GPHN: variants seen among roughly 807,000 people sequenced by gnomAD.
GPHN encodes gephyrin.
A neutral mutation model predicts 95.5 loss-of-function variants in GPHN; 17 were observed. That is an observed-to-expected ratio of 0.18 (90% CI 0.12 to 0.27). The LOEUF (loss-of-function observed/expected upper bound fraction) is 0.27, where lower values mean the gene tolerates loss of function less well. Among genes scored for constraint, GPHN ranks in the 10% least tolerant of loss-of-function variants. The pLI, the probability that GPHN is intolerant of heterozygous loss-of-function variation, is 1.00. For synonymous variants in GPHN, 320 were observed against 322.5 expected (o/e 0.99, Z 0.08); for missense variants, 660 against 978.1 (o/e 0.67, Z 4.34).
At chr14:67,316,885 A>G in the GPHN span, 1 of 1,611,746 alleles carries the variant, frequency 6.2e-7, no homozygotes, top group Non-Finnish European at 8.5e-7. Context: ...AGAAGAAGAT[A>G]AGGAGCCAGA....
chr14:67,070,237 A>G (rs1262883293), intron 11 of GPHN, among the ~76,000 whole-genome samples: 1 of 151,748 alleles, frequency 6.6e-6, no homozygotes, highest in East Asian at 1.9e-4. Flanking sequence ...TTCAAAATGT[A>G]TATCTTAATC....
At chr14:67,218,428 C>G in the GPHN span, among the ~76,000 whole-genome samples, 1 of 152,118 alleles carries the variant, frequency 6.6e-6, no homozygotes, top group Admixed American at 6.5e-5. Context: ...GCTTGGCTGA[C>G]TCAGGGACGT....
the GPHN span, among the ~76,000 whole-genome samples, chr14:67,462,012 C>T: frequency 6.6e-6 from 1 of 152,228 alleles, no homozygotes; most frequent in South Asian, 2.1e-4. Context: ...GCTCTGGGCA[C>T]CAGCTGTCCT....
chr14:66,747,942 A>T (rs2058218731), intron 2 of GPHN, among the ~76,000 whole-genome samples: 2 of 152,100 alleles, frequency 1.3e-5, no homozygotes, highest in Non-Finnish European at 2.9e-5. Context: ...AGATCTACAT[A>T]TCTACTCCTA....
At chr14:66,668,478 G>T (rs948018888) in intron 1 of GPHN, among the ~76,000 whole-genome samples, 33 of 152,186 alleles carry the variant, frequency 2.2e-4, no homozygotes, top group Non-Finnish European at 7.3e-5. Flanking sequence ...TATGTCCTTT[G>T]CAGGGACACG....
At chr14:66,835,806 A>G (rs553061570) in intron 4 of GPHN, among the ~76,000 whole-genome samples, 1 of 152,146 alleles carries the variant, frequency 6.6e-6, no homozygotes, top group South Asian at 2.1e-4. Flanking sequence ...CCAACAACAG[A>G]CAGAGAGCCA....
chr14:67,287,804 A>G, the GPHN span, among the ~76,000 whole-genome samples: 1 of 152,266 alleles, frequency 6.6e-6, no homozygotes, highest in African/African-American at 2.4e-5. Context: ...ATGGCGTAGC[A>G]AAATAATACC....
At chr14:66,657,954 G>C (rs999515397) in intron 1 of GPHN, among the ~76,000 whole-genome samples, 7 of 152,152 alleles carry the variant, frequency 4.6e-5, no homozygotes, top group Admixed American at 2.6e-4. Context: ...AGCTGCCATA[G>C]ATAGGGATTG....
chr14:67,149,678 T>C (rs1466176707), intron 18 of GPHN, among the ~76,000 whole-genome samples: 2 of 152,206 alleles, frequency 1.3e-5, no homozygotes, highest in Non-Finnish European at 2.9e-5. Flanking sequence ...ATTATGATGT[T>C]TAAGAAAATA....
intron 3 of GPHN, among the ~76,000 whole-genome samples, chr14:66,820,699 T>C (rs34259545): frequency 0.018 from 2,674 of 152,198 alleles, 33 homozygotes; most frequent in Non-Finnish European, 0.026. Context: ...GAGTCCAGAG[T>C]AGCATTAGGA....
intron 1 of GPHN, among the ~76,000 whole-genome samples, chr14:66,633,545 T>TAGTA (rs2063938373): frequency 6.6e-6 from 1 of 152,206 alleles, no homozygotes; most frequent in Non-Finnish European, 1.5e-5. Context: ...TATTGCTGAA[T>TAGTA]AGTATTCCAG....
the GPHN span, among the ~76,000 whole-genome samples, chr14:67,206,051 G>A: frequency 6.6e-6 from 1 of 152,140 alleles, no homozygotes; most frequent in African/African-American, 2.4e-5. Context: ...GGCCATGGTG[G>A]TGTATGCCTG....
At chr14:66,943,067 T>C (rs2067522718) in intron 8 of GPHN, among the ~76,000 whole-genome samples, 1 of 152,168 alleles carries the variant, frequency 6.6e-6, no homozygotes, top group South Asian at 2.1e-4. Flanking sequence ...TGAAAAACCA[T>C]ATAATACCTT....
At chr14:66,842,927 C>G (rs2062156308) in intron 4 of GPHN, among the ~76,000 whole-genome samples, 2 of 152,034 alleles carry the variant, frequency 1.3e-5, no homozygotes, top group African/African-American at 4.8e-5. Flanking sequence ...GTGTGCTGTT[C>G]TCTTGTGGAT....
intron 9 of GPHN, among the ~76,000 whole-genome samples, chr14:67,018,507 G>C (rs1487862075): frequency 6.6e-6 from 1 of 152,156 alleles, no homozygotes; most frequent in Non-Finnish European, 1.5e-5. Context: ...GCAGTTTCTA[G>C]AGGAGCTGGT....
At chr14:66,530,497 A>G (rs2058876799) in intron 1 of GPHN, among the ~76,000 whole-genome samples, 1 of 151,954 alleles carries the variant, frequency 6.6e-6, no homozygotes, top group South Asian at 2.1e-4. Context: ...TGGGGTATGA[A>G]AAAAAAACAA....
chr14:67,577,963 T>C, the GPHN span: 28 of 1,518,056 alleles, frequency 1.8e-5, no homozygotes, highest in Middle Eastern at 4.5e-4. Context: ...GGCCAAGCCG[T>C]TGAGTTCTCT....
chr14:67,279,446 A>T, the GPHN span: 1 of 1,613,418 alleles, frequency 6.2e-7, no homozygotes, highest in Non-Finnish European at 8.5e-7. Flanking sequence ...AACTAGCCCA[A>T]ATTCCTCCAA....
At chr14:67,376,719 A>G in the GPHN span, 1 of 912,260 alleles carries the variant, frequency 1.1e-6, no homozygotes, top group South Asian at 1.7e-5. Context: ...TGGCCAGTAA[A>G]TGGGCCAATC....
Sources: allele counts gnomAD v4.1 joint callset (sites outside exome capture counted in the v4.1 genomes callset), GRCh38; gene constraint gnomAD v4.1.1; transcripts MANE v1.5; gene names NCBI Gene and HGNC (gene_info 2026-07-23, HGNC 2026-07-21).